ADAM22: variants seen among roughly 807,000 people sequenced by gnomAD.
ADAM22 encodes the protein ADAM metallopeptidase domain 22.
Under a neutral mutation model 144.6 loss-of-function variants are expected in ADAM22, and 65 were observed. The ratio of observed to expected loss-of-function variants is 0.45; its 90% CI spans 0.37 to 0.55. ADAM22 has a LOEUF of 0.55. Ranked by LOEUF, ADAM22 falls within the 20% of genes least tolerant of loss-of-function variation. ADAM22 has a pLI of 0.00. For missense variants in ADAM22, 974 were observed against 1,184.9 expected (o/e 0.82, Z 2.61); for synonymous variants, 391 against 412.6 (o/e 0.95, Z 0.63).
intron 3 of ADAM22, among the ~76,000 whole-genome samples, chr7:88,026,647 T>C (rs181147860): frequency 2.6e-5 from 4 of 152,354 alleles, no homozygotes; most frequent in Admixed American, 2.6e-4. Flanking sequence ...TTTTTCCAAA[T>C]ACAAGATTAT....
intron 4 of ADAM22, among the ~76,000 whole-genome samples, chr7:88,093,223 G>T (rs1242819603): frequency 2.0e-5 from 3 of 151,510 alleles, no homozygotes; most frequent in Non-Finnish European, 4.4e-5. Flanking sequence ...AACTATTACA[G>T]TAATTATAAT....
At chr7:88,012,686 A>G (rs1404451211) in intron 3 of ADAM22, among the ~76,000 whole-genome samples, 4 of 152,140 alleles carry the variant, frequency 2.6e-5, no homozygotes, top group African/African-American at 9.7e-5. Flanking sequence ...ATGTGCTGGT[A>G]AGGTATGGAG....
At chr7:87,983,547 G>A (rs2129449995) in intron 3 of ADAM22, among the ~76,000 whole-genome samples, 1 of 152,010 alleles carries the variant, frequency 6.6e-6, no homozygotes, top group Middle Eastern at 3.4e-3. Context: ...GCTTTTTATT[G>A]TTTCTCTTAG....
chr7:88,180,459 A>ATGGAGTAT (rs1846718574), intron 27 of ADAM22, among the ~76,000 whole-genome samples: 2 of 152,110 alleles, frequency 1.3e-5, no homozygotes, highest in African/African-American at 4.8e-5. Flanking sequence ...ATTCCAACCT[A>ATGGAGTAT]GGGAATTCAT....
At chr7:88,138,968 G>A (rs1487136818) in intron 14 of ADAM22, among the ~76,000 whole-genome samples, 2 of 152,214 alleles carry the variant, frequency 1.3e-5, no homozygotes, top group African/African-American at 4.8e-5. Context: ...GGGCAGGAGG[G>A]TGGGCTTGGC....
chr7:88,159,686 G>C (rs1211551125), intron 22 of ADAM22, among the ~76,000 whole-genome samples: 2 of 151,980 alleles, frequency 1.3e-5, no homozygotes, highest in African/African-American at 4.8e-5. Flanking sequence ...TGCAAAAAAG[G>C]GTTTTGATAA....
At chr7:88,113,335 C>T (rs539107583) in intron 5 of ADAM22, among the ~76,000 whole-genome samples, 1 of 151,716 alleles carries the variant, frequency 6.6e-6, no homozygotes, top group South Asian at 2.1e-4. Flanking sequence ...CAGTTCTCAC[C>T]ACCTCTACTA....
chr7:88,146,758 A>T (rs982152967), intron 17 of ADAM22, among the ~76,000 whole-genome samples: 2 of 152,204 alleles, frequency 1.3e-5, no homozygotes, highest in Non-Finnish European at 2.9e-5. Context: ...TCACTTAGCC[A>T]GTAAGGAATA....
At chr7:87,969,036 C>T (rs555522501) in intron 2 of ADAM22, among the ~76,000 whole-genome samples, 1 of 152,278 alleles carries the variant, frequency 6.6e-6, no homozygotes, top group East Asian at 1.9e-4. Context: ...GGAGGAAAGT[C>T]CACCTCCATG....
intron 3 of ADAM22, among the ~76,000 whole-genome samples, chr7:88,058,911 G>A (rs536265931): frequency 1.3e-5 from 2 of 152,274 alleles, no homozygotes; most frequent in South Asian, 4.2e-4. Flanking sequence ...AGTAACCAGG[G>A]ATATGCTTCT....
Position 88,086,896 on chromosome 7 carries a change from TATA to T in ADAM22, c.390+11207_390+11209del, listed in dbSNP as rs1818582825. 2.0e-5 allele frequency among the ~76,000 whole-genome samples: 3 copies of T among 152,326 alleles called. No homozygotes were observed. In the South Asian group the frequency reaches 6.2e-4, roughly 32 times the overall value. ...TATATAGGCTTTAGTTAATCAGTAT[TATA>T]ATGCTAACAGTAATAACTATTTATT... is the stretch of plus-strand genomic sequence containing the variant. On this transcript the variant is annotated intron_variant, in intron 4 of 31. Transcript: ENST00000413139.
At chr7:88,187,332 G>C (rs1053616838) in intron 30 of ADAM22, among the ~76,000 whole-genome samples, 2 of 152,148 alleles carry the variant, frequency 1.3e-5, no homozygotes, top group Non-Finnish European at 2.9e-5. Context: ...TCTCAACAAA[G>C]CATGTAAGAA....
intron 4 of ADAM22, among the ~76,000 whole-genome samples, chr7:88,079,940 A>G (rs1434986202): frequency 6.6e-6 from 1 of 152,218 alleles, no homozygotes; most frequent in Non-Finnish European, 1.5e-5. Context: ...CCGATCAACG[A>G]CACAGAAAGT....
chr7:88,143,069 T>C lies in ADAM22; in HGVS notation c.1264T>C (p.Tyr422His). ...KKFTQCNIEE[Y>H]HDFLNSGGGA... ...GTTCACCCAGTGTAATATTGAAGAG[T>C]ATCATGACTTCCTGAATAGTGGAGG... The change falls in exon 15 of 32, where the codon TAT becomes CAT. Residue 422 changes from tyrosine to histidine, a missense_variant. By Grantham distance (83) the Tyr-to-His change is moderately conservative. Coordinates refer to ENST00000413139, the MANE Select transcript of ADAM22 (RefSeq NM_001324418.2). 6.2e-7 allele frequency: 1 copy of C among 1,613,106 alleles called. No homozygotes were observed. Among genetic ancestry groups the C allele is most frequent in the Non-Finnish European group, 8.5e-7 (1 of 1,179,330 alleles).
rs767647636 is a variant in ADAM22, at chr7:88,132,868, G to A, written c.994G>A (p.Gly332Arg). 2 of 1,613,740 alleles carry A rather than the reference G, an allele frequency of 1.2e-6. No homozygotes were observed. The highest frequency in any genetic ancestry group is 1.7e-5 in the Admixed American group (1 of 59,990). ...ATTTTTCATTTCCTTTTCTAAAAGGGGAAGTCAATTTGAGAGTAGCCGGAG... is the reference window on the plus strand; with the variant it reads ...ATTTTTCATTTCCTTTTCTAAAAGGAGAAGTCAATTTGAGAGTAGCCGGAG... ...EKSDAVHLFSGSQFESSRSGA... is the reference protein window; with the variant it reads ...EKSDAVHLFSRSQFESSRSGA... The change falls in exon 12 of 32, where the codon GGA becomes AGA. Residue 332 changes from glycine to arginine, a missense_variant and splice_region_variant. Physicochemically the swap from Gly to Arg is moderately radical, Grantham distance 125 (BLOSUM62 -2). Transcript: ENST00000413139.
chr7:87,956,925 A>T (rs1413450327), intron 2 of ADAM22, among the ~76,000 whole-genome samples: 1 of 152,246 alleles, frequency 6.6e-6, no homozygotes, highest in Non-Finnish European at 1.5e-5. Context: ...CACACATGAA[A>T]GTATCGTAAA....
At chr7:87,957,664 T>C (rs1400242256) in intron 2 of ADAM22, among the ~76,000 whole-genome samples, 2 of 152,168 alleles carry the variant, frequency 1.3e-5, no homozygotes, top group African/African-American at 4.8e-5. Flanking sequence ...CACTGCAGCC[T>C]CTGCCTCCAG....
At chr7:88,083,587 T>TTGTGTGTGTGTGTGTGTGTG (rs35145003) in intron 4 of ADAM22, among the ~76,000 whole-genome samples, 2 of 126,670 alleles carry the variant, frequency 1.6e-5, no homozygotes, top group African/African-American at 6.0e-5. Context: ...TACTTTGTGT[T>TTGTGTGTGTGTGTGTGTGTG]TGTGTGTGTG....
At chr7:88,059,704 C>G (rs1054240891) in intron 3 of ADAM22, among the ~76,000 whole-genome samples, 2 of 152,254 alleles carry the variant, frequency 1.3e-5, no homozygotes, top group Non-Finnish European at 2.9e-5. Context: ...GAAATCATGT[C>G]TTTTGCAGGA....
Sources: allele counts gnomAD v4.1 joint callset (sites outside exome capture counted in the v4.1 genomes callset), GRCh38; gene constraint gnomAD v4.1.1; transcripts MANE v1.5; gene names NCBI Gene and HGNC (gene_info 2026-07-23, HGNC 2026-07-21).